The following SLC9A9 variants were observed in gnomAD, a reference collection of about 807,000 sequenced individuals.
SLC9A9 encodes the protein solute carrier family 9 member A9, also known as sodium/hydrogen exchanger 9.
In SLC9A9, 62 loss-of-function variants were observed where a neutral mutation model predicts 77.8. The ratio of observed to expected loss-of-function variants is 0.80; its 90% CI spans 0.65 to 0.98. The LOEUF (loss-of-function observed/expected upper bound fraction) is 0.98. SLC9A9 is among the 50% of genes least tolerant of loss of function. SLC9A9 has a pLI of 0.00. For missense variants in SLC9A9, 775 were observed against 774.9 expected (o/e 1.00, Z 0.00); for synonymous variants, 320 against 283.5 (o/e 1.13, Z -1.29).
intron 2 of SLC9A9, among the ~76,000 whole-genome samples, chr3:143,819,008 G>A (rs746979889): frequency 6.6e-6 from 1 of 152,124 alleles, no homozygotes; most frequent in Non-Finnish European, 1.5e-5. Context: ...CTTGAACCCG[G>A]GAGGTGGAGG....
intron 6 of SLC9A9, among the ~76,000 whole-genome samples, chr3:143,597,284 T>C (rs1007470366): frequency 2.0e-5 from 3 of 152,168 alleles, no homozygotes; most frequent in Non-Finnish European, 4.4e-5. Flanking sequence ...GGCTTAGCTC[T>C]TGGGGGGCTC....
At chr3:143,376,617 T>A (rs2033185840) in intron 13 of SLC9A9, among the ~76,000 whole-genome samples, 1 of 152,196 alleles carries the variant, frequency 6.6e-6, no homozygotes, top group South Asian at 2.1e-4. Flanking sequence ...TCATTCCTAC[T>A]TTCTAGAACA....
chr3:143,651,702 A>G (rs541255326), intron 6 of SLC9A9, among the ~76,000 whole-genome samples: 2 of 152,170 alleles, frequency 1.3e-5, no homozygotes, highest in Non-Finnish European at 2.9e-5. Flanking sequence ...CCCCCACCCT[A>G]ATATCCTTCC....
At chr3:143,762,543 A>C (rs568343052) in intron 4 of SLC9A9, among the ~76,000 whole-genome samples, 82 of 152,212 alleles carry the variant, frequency 5.4e-4, no homozygotes, top group Non-Finnish European at 1.1e-3. Flanking sequence ...GGGTTGTTTT[A>C]GTAGTGTGGT....
At chr3:143,447,870 G>C (rs376670766) in intron 12 of SLC9A9, among the ~76,000 whole-genome samples, 24 of 152,170 alleles carry the variant, frequency 1.6e-4, no homozygotes, top group Middle Eastern at 3.2e-3. Flanking sequence ...AGGTGAATTA[G>C]GGATGTAGTG....
At chr3:143,690,704 G>C in intron 5 of SLC9A9, among the ~76,000 whole-genome samples, 1 of 152,104 alleles carries the variant, frequency 6.6e-6, no homozygotes, top group East Asian at 1.9e-4. Context: ...TCATAATGAT[G>C]TTTTTAGGAG....
intron 6 of SLC9A9, among the ~76,000 whole-genome samples, chr3:143,599,363 T>C (rs1169267472): frequency 6.6e-6 from 1 of 152,206 alleles, no homozygotes; most frequent in East Asian, 1.9e-4. Flanking sequence ...AAAAGGACTT[T>C]TCCTGGAAAG....
In SLC9A9 at chr3:143,372,344, C is replaced by T. The variant is rs576676660; in HGVS notation, c.1525-8781G>A. Among the ~76,000 whole-genome samples, 16 of 152,000 alleles carry T rather than the reference C, an allele frequency of 1.1e-4. No individual in the cohort carries two copies. In the South Asian group the frequency reaches 1.9e-3, roughly 18 times the overall value. On this transcript the variant is annotated intron_variant, in intron 13 of 15. Transcript: ENST00000316549. Reference sequence around the variant, plus strand: ...CAAGGCTACAGTTACCAAAACAGCACGGTACTGGTATAAAAGTAGATACAT... The same window carrying T: ...CAAGGCTACAGTTACCAAAACAGCATGGTACTGGTATAAAAGTAGATACAT...
rs142835765 is a variant in SLC9A9, at chr3:143,848,149, A to G, written c.174T>C (p.Tyr58=). The G allele has an allele frequency of 5.6e-6, 9 of 1,613,298 alleles. No individual in the cohort carries two copies. The African/African-American group carries it at 8.0e-5, about 14-fold the overall frequency. Residue 58 remains tyrosine (Y), a splice_region_variant and synonymous_variant, in exon 1 of 16, where the codon TAT becomes TAC. Transcript: ENST00000316549. The part of the protein sequence containing the change: ...FLHETGGAMV[Y]GLIMGLILRY... ...CAATCTCACAATTTATGCACTCACC[A>G]TACACCATTGCTCCTCCAGTTTCAT...
At chr3:143,497,099 G>A (rs1197950948) in intron 9 of SLC9A9, among the ~76,000 whole-genome samples, 1 of 152,188 alleles carries the variant, frequency 6.6e-6, no homozygotes, top group African/African-American at 2.4e-5. Context: ...ATGGGGATTA[G>A]AGCTTCAACA....
intron 4 of SLC9A9, among the ~76,000 whole-genome samples, chr3:143,743,241 G>GGATGGATA (rs1459309618): frequency 0.031 from 4,175 of 133,318 alleles, 69 homozygotes; most frequent in East Asian, 0.052. Flanking sequence ...ATGGATGGAT[G>GGATGGATA]GATAGATAGA....
chr3:143,626,528 A>G (rs1458695829), intron 6 of SLC9A9, among the ~76,000 whole-genome samples: 1 of 151,322 alleles, frequency 6.6e-6, no homozygotes, highest in Non-Finnish European at 1.5e-5. Flanking sequence ...AAAAAACCAA[A>G]CACCGCATGT....
chr3:143,729,459 C>A (rs950780436), intron 4 of SLC9A9, among the ~76,000 whole-genome samples: 1 of 152,164 alleles, frequency 6.6e-6, no homozygotes, highest in African/African-American at 2.4e-5. Context: ...TACAAGCTAG[C>A]CCTCCTATTC....
At chr3:143,575,261 G>T (rs2037339298) in intron 7 of SLC9A9, among the ~76,000 whole-genome samples, 1 of 152,158 alleles carries the variant, frequency 6.6e-6, no homozygotes, top group African/African-American at 2.4e-5. Flanking sequence ...AAAGCACAAA[G>T]GCAGAATAAT....
rs754904558 is a variant in SLC9A9 at position 143,266,815 on chromosome 3, G to T, written c.1825C>A (p.Gln609Lys). ...CSPPARLGLD[Q>K]KASPQTPGKE... ...CCTGGCGTCTGGGGTGAAGCTTTCT[G>T]GTCCAGACCTAGCCTTGCAGGAGGA... The change falls in exon 16 of 16, where the codon CAG (glutamine) becomes AAG (lysine). Residue 609 changes from glutamine (Q) to lysine (K), a missense_variant. Transcript: ENST00000316549. 1.5e-5 allele frequency: 25 copies of T among 1,614,024 alleles called. No individual in the cohort carries two copies. The Middle Eastern group carries it at 4.9e-4, about 32-fold the overall frequency.
At chr3:143,654,126 C>A (rs1228847285) in intron 5 of SLC9A9, among the ~76,000 whole-genome samples, 2 of 152,074 alleles carry the variant, frequency 1.3e-5, no homozygotes, top group East Asian at 1.9e-4. Context: ...GCTGAGAGAG[C>A]AGATTTTAAG....
intron 14 of SLC9A9, among the ~76,000 whole-genome samples, chr3:143,321,554 G>A (rs2031420562): frequency 6.6e-6 from 1 of 152,106 alleles, no homozygotes; most frequent in Non-Finnish European, 1.5e-5. Flanking sequence ...GAGGCTTTGT[G>A]TTCTACTTTG....
At chr3:143,423,633 G>C (rs1459998474) in intron 12 of SLC9A9, among the ~76,000 whole-genome samples, 1 of 152,196 alleles carries the variant, frequency 6.6e-6, no homozygotes, top group Non-Finnish European at 1.5e-5. Context: ...AAAAGCATGA[G>C]TCCATGCTGA....
At chr3:143,638,138 G>A (rs927807578) in intron 6 of SLC9A9, among the ~76,000 whole-genome samples, 4 of 152,272 alleles carry the variant, frequency 2.6e-5, no homozygotes, top group African/African-American at 7.2e-5. Flanking sequence ...AAGTAGGCGG[G>A]TGAGAATGGG....
Sources: allele counts gnomAD v4.1 joint callset (sites outside exome capture counted in the v4.1 genomes callset), GRCh38; gene constraint gnomAD v4.1.1; transcripts MANE v1.5; gene names NCBI Gene and HGNC (gene_info 2026-07-23, HGNC 2026-07-21).